The following ZNF600 variants were observed in gnomAD, a reference collection of about 807,000 sequenced individuals.
ZNF600 encodes the protein zinc finger protein 600, also known as zinc finger protein KR-ZNF1.
Under a neutral mutation model 7.3 loss-of-function variants are expected in ZNF600, and 4 were observed. The observed-to-expected ratio is 0.55, with a 90% CI of 0.27 to 1.25. The LOEUF is 1.25. Among genes scored for constraint, ZNF600 ranks in the 50% most tolerant of loss-of-function variants. The probability of loss-of-function intolerance (pLI) is 0.12; values close to 1 mark genes in which losing one functional copy is unlikely to be tolerated. For missense variants in ZNF600, 911 were observed against 922.1 expected, an observed-to-expected ratio of 0.99 and a Z score of 0.16; for synonymous variants, 290 against 308.9, an observed-to-expected ratio of 0.94 and a Z score of 0.64.
At chr19:52,767,672 G>A in exon 4 of ZNF600, 1 of 1,614,092 alleles carries the variant, frequency 6.2e-7, no homozygotes, top group Non-Finnish European at 8.5e-7. Context: ...AATCTCCAAT[G>A]TGATAACTTT....
the ZNF600 span, chr19:52,801,229 G>A: frequency 6.4e-5 from 104 of 1,614,048 alleles, no homozygotes; most frequent in Middle Eastern, 1.6e-4. Context: ...TGTACATTCC[G>A]TTTTTGTGTG....
chr19:52,784,756 T>TGGA (rs1264742516), intron 1 of ZNF600, among the ~76,000 whole-genome samples: 1 of 152,144 alleles, frequency 6.6e-6, no homozygotes, highest in Non-Finnish European at 1.5e-5. Context: ...TGAGACAGGG[T>TGGA]CTTGCTCTTT....
chr19:52,798,566 A>C, the ZNF600 span: 1 of 497,816 alleles, frequency 2.0e-6, no homozygotes, highest in East Asian at 5.7e-5. Flanking sequence ...TGAGGTGTGA[A>C]TGTGAAGTAA....
At chr19:52,772,389 G>A (rs946612382) in intron 3 of ZNF600, among the ~76,000 whole-genome samples, 6 of 152,134 alleles carry the variant, frequency 3.9e-5, no homozygotes, top group African/African-American at 1.4e-4. Flanking sequence ...CATCACTTGA[G>A]GTCAGGAGTT....
chr19:52,803,039 G>A, the ZNF600 span, among the ~76,000 whole-genome samples: 1 of 151,530 alleles, frequency 6.6e-6, no homozygotes, highest in Non-Finnish European at 1.5e-5. Context: ...GGGATTATAG[G>A]CATGAGCCAC....
At chr19:52,809,853 A>T in the ZNF600 span, 1 of 596,170 alleles carries the variant, frequency 1.7e-6, no homozygotes, top group Non-Finnish European at 3.0e-6. Flanking sequence ...CGGTGGTGGC[A>T]GTAGCACTGG....
chr19:52,811,838 G>A, the ZNF600 span, among the ~76,000 whole-genome samples: 6 of 147,290 alleles, frequency 4.1e-5, no homozygotes, highest in South Asian at 1.3e-3. Context: ...GCCCCTACTG[G>A]GAAGTGAGGA....
intron 3 of ZNF600, among the ~76,000 whole-genome samples, chr19:52,770,108 T>C (rs961586242): frequency 6.6e-6 from 1 of 152,106 alleles, no homozygotes; most frequent in African/African-American, 2.4e-5. Context: ...TACCTTCTCA[T>C]GTATGAGGTC....
At chr19:52,818,144 G>T in the ZNF600 span, 1 of 1,139,284 alleles carries the variant, frequency 8.8e-7, no homozygotes, top group Non-Finnish European at 1.2e-6. Flanking sequence ...CCCCTATGCT[G>T]CCTACCGCAC....
chr19:52,818,153 AC>A, the ZNF600 span: 1 of 1,051,856 alleles, frequency 9.5e-7, no homozygotes, highest in Non-Finnish European at 1.3e-6. Context: ...TGCCTACCGC[AC>A]CACGAACAAA....
upstream of ZNF600, chr19:52,786,841 GC>G: frequency 7.1e-6 from 2 of 280,366 alleles, no homozygotes; most frequent in Non-Finnish European, 7.7e-6. Context: ...TAGAGGCGGG[GC>G]CCCAGGCGGA....
the ZNF600 span, among the ~76,000 whole-genome samples, chr19:52,818,620 T>C: frequency 1.4e-4 from 21 of 152,068 alleles, no homozygotes; most frequent in African/African-American, 3.9e-4. Flanking sequence ...TGAGGTAGAA[T>C]TGCTTGAACC....
the ZNF600 span, chr19:52,801,635 G>GT: frequency 6.2e-7 from 1 of 1,613,920 alleles, no homozygotes; most frequent in South Asian, 1.1e-5. Flanking sequence ...ATGTCCCTGT[G>GT]TGGAACGCTT....
chr19:52,778,809 G>A lies in ZNF600; in HGVS notation c.63+17C>T. Reference sequence around the variant, plus strand: ...AAGGAAAGAGACAGATTAATCCACAGAGGAATATCACTTCACCTGAGGAAG... The same window carrying A: ...AAGGAAAGAGACAGATTAATCCACAAAGGAATATCACTTCACCTGAGGAAG... On this transcript the variant is annotated intron_variant, in intron 2 of 3. Transcript: ENST00000648973. 1 of 1,600,172 alleles carries A rather than the reference G, an allele frequency of 6.2e-7. No individual in the cohort carries two copies. The highest frequency in any genetic ancestry group is 1.7e-5 in the Admixed American group (1 of 57,552).
chr19:52,767,038 GAAGT>G lies in ZNF600; in HGVS notation c.921_924del (p.Arg307SerfsTer5). 1 of 1,614,152 alleles carries G rather than the reference GAAGT, an allele frequency of 6.2e-7. No individual in the cohort carries two copies. The highest frequency in any genetic ancestry group is 1.1e-5 in the South Asian group (1 of 91,082). ...CACTTGTGAGATTTTACTGCAGTGT[GAAGT>G]CTACGATGGCATGTAAGGGATGATA... On this transcript the variant is annotated frameshift_variant, in exon 4 of 4. Coordinates refer to ENST00000648973, the Ensembl canonical transcript of ZNF600. LOFTEE classifies it low-confidence loss of function (END_TRUNC).
At chr19:52,831,659 C>G in the ZNF600 span, among the ~76,000 whole-genome samples, 15 of 152,118 alleles carry the variant, frequency 9.9e-5, no homozygotes, top group Non-Finnish European at 1.6e-4. Flanking sequence ...CCCGCCACCA[C>G]GCCCAGCTAA....
At chr19:52,807,993 G>T in the ZNF600 span, 7 of 1,612,922 alleles carry the variant, frequency 4.3e-6, no homozygotes, top group Non-Finnish European at 5.9e-6. Flanking sequence ...ACATCCCCAG[G>T]AGGTTATCCT....
the ZNF600 span, chr19:52,821,779 C>G: frequency 6.6e-6 from 1 of 152,156 alleles, no homozygotes; most frequent in Non-Finnish European, 1.5e-5. Flanking sequence ...GGAGCGGGAC[C>G]TGTGAGTCTC....
At chr19:52,772,761 A>G (rs2062640703) in intron 3 of ZNF600, among the ~76,000 whole-genome samples, 8 of 152,212 alleles carry the variant, frequency 5.3e-5, no homozygotes, top group Admixed American at 5.2e-4. Flanking sequence ...GAAGGATCCC[A>G]TGACATGTTC....
Sources: allele counts gnomAD v4.1 joint callset (sites outside exome capture counted in the v4.1 genomes callset), GRCh38; gene constraint gnomAD v4.1.1; transcripts MANE v1.5; gene names NCBI Gene and HGNC (gene_info 2026-07-23, HGNC 2026-07-21).